Variants in PSG6 observed in about 807,000 individuals in gnomAD.
The protein encoded by PSG6 is pregnancy-specific beta-1-glycoprotein 6.
A neutral mutation model predicts 43.3 loss-of-function variants in PSG6; 51 were observed. The ratio of observed to expected loss-of-function variants is 1.18; its 90% CI spans 0.94 to 1.49. The LOEUF (loss-of-function observed/expected upper bound fraction) is 1.49. Among genes scored for constraint, PSG6 ranks in the 40% most tolerant of loss-of-function variants. The probability of loss-of-function intolerance (pLI) is 0.00; values close to 1 mark genes in which losing one functional copy is unlikely to be tolerated. For missense variants in PSG6, 770 were observed against 522.2 expected, an observed-to-expected ratio of 1.47 and a Z score of -4.62; for synonymous variants, 292 against 197.6, an observed-to-expected ratio of 1.48 and a Z score of -4.01.
intron 2 of PSG6, among the ~76,000 whole-genome samples, chr19:42,911,607 C>T (rs1972228234): frequency 6.6e-6 from 1 of 151,666 alleles, no homozygotes; most frequent in Admixed American, 6.6e-5. Context: ...GCTCCCTTCC[C>T]CCTGTAGAGG....
chr19:42,908,433 CCAGGTGGGGCAGTTTTTTTG>C (rs1215117043), intron 3 of PSG6, among the ~76,000 whole-genome samples: 1 of 151,202 alleles, frequency 6.6e-6, no homozygotes, highest in Non-Finnish European at 1.5e-5. Flanking sequence ...ACTAGAGGCA[CCAGGTGGGGCAGTTTTTTTG>C]CAGGTGTTTC....
At chr19:42,905,667 T>G (rs1055766120) in intron 5 of PSG6, among the ~76,000 whole-genome samples, 3 of 151,610 alleles carry the variant, frequency 2.0e-5, no homozygotes, top group Non-Finnish European at 2.9e-5. Context: ...TGGAAACAAC[T>G]GAAAAGTCCA....
At chr19:42,903,999 A>G (rs1197454531) in intron 5 of PSG6, among the ~76,000 whole-genome samples, 1 of 151,806 alleles carries the variant, frequency 6.6e-6, no homozygotes, top group African/African-American at 2.4e-5. Context: ...ATGCCAATAA[A>G]TTGGATAACC....
intron 3 of PSG6, among the ~76,000 whole-genome samples, chr19:42,909,036 G>A (rs780406520): frequency 4.0e-5 from 6 of 151,570 alleles, no homozygotes; most frequent in Admixed American, 6.6e-5. Context: ...AGGACAAAAA[G>A]TGTTTTGGAT....
In PSG6 at chr19:42,917,471, A is replaced by C. The variant is rs145829007; in HGVS notation, c.64+258T>G. Among the ~76,000 whole-genome samples the C allele has an allele frequency of 2.5e-3, 357 of 140,900 alleles. 3 individuals carry two copies. Among genetic ancestry groups the C allele is most frequent in the Admixed American group, 3.7e-3 (49 of 13,128 alleles). The allele number at this position is 140,900 out of a possible 152,430, so 92.4% of individuals were successfully genotyped here. A position where few individuals can be genotyped will look rare whatever the true frequency, so the allele number is the denominator to read the frequency against. On this transcript the variant is annotated intron_variant, in intron 1 of 5. Coordinates refer to ENST00000187910, the MANE Select transcript of PSG6 (RefSeq NM_001031850.4). ...TTCTGCCTCCTGGGTTCATGTGATT[A>C]TCCTGCCTCAGCCTCCCGAAAGCTG... is the stretch of plus-strand genomic sequence containing the variant.
intron 1 of PSG6, 124 bp downstream of exon 1, chr19:42,917,605 C>G: frequency 7.0e-7 from 1 of 1,425,130 alleles, no homozygotes; most frequent in Non-Finnish European, 9.6e-7. Flanking sequence ...TCTCGTGATC[C>G]ACCCACCTCA....
rs10413609 is a variant in PSG6, at chr19:42,914,677, C to A, written c.427+1448G>T. On this transcript the variant is annotated intron_variant, in intron 2 of 5. Coordinates refer to ENST00000187910, the MANE Select transcript of PSG6 (RefSeq NM_001031850.4). The stretch of plus-strand genomic sequence containing the variant: ...AAGGGACAGGTGTGGCTAGAACCTC[C>A]TAGGATTCTGATTCCAAGATCCAGT... 4.1e-4 allele frequency among the ~76,000 whole-genome samples: 62 copies of A among 151,060 alleles called. 5 individuals are homozygous for A. The highest frequency in any genetic ancestry group is 3.5e-3 in the East Asian group (18 of 5,128).
intron 2 of PSG6, chr19:42,915,504 G>C (rs1431476268): frequency 6.5e-6 from 1 of 154,548 alleles, no homozygotes; most frequent in Non-Finnish European, 1.4e-5. Context: ...GGCCTACAAA[G>C]CTTGTCTTTC....
At chr19:42,916,548 G>A (rs1972338839) in intron 1 of PSG6, 61 bp from the exon 2 acceptor site, 1 of 1,557,818 alleles carries the variant, frequency 6.4e-7, no homozygotes, top group African/African-American at 1.4e-5. Flanking sequence ...GAAAAGATGG[G>A]GCCCTGTGTC....
rs192496695 is a variant in PSG6 at position 42,907,348 on chromosome 19, T to C, written c.986-172A>G. 8.3e-3 allele frequency among the ~76,000 whole-genome samples: 1,267 copies of C among 152,002 alleles called. 36 individuals carry two copies. The highest frequency in any genetic ancestry group is 0.029 in the African/African-American group (1,215 of 41,480). On this transcript the variant is annotated intron_variant, in intron 4 of 5. Transcript: ENST00000187910. ...TGAGGTATTCCCCTGTTTCTCTCAT[T>C]ACAAGCTGTGGGCCCCTAGTGTCCC...
Position 42,902,234 on chromosome 19 carries a change from T to A in PSG6, c.*178A>T. ...TTTACCAATTGCTGAAGAAAAAAAG[T>A]TCATAAATCTGGAGAATAAAACATT... On this transcript the variant is annotated 3_prime_UTR_variant, in exon 6 of 6. Coordinates refer to ENST00000187910, the MANE Select transcript of PSG6 (RefSeq NM_001031850.4). 2.4e-6 allele frequency: 2 copies of A among 830,722 alleles called. No individual in the cohort carries two copies. The highest frequency in any genetic ancestry group is 3.6e-6 in the Non-Finnish European group (2 of 558,096). 51.5% of individuals were successfully genotyped at this position (830,722 alleles called of 1,614,324 possible). A position where few individuals can be genotyped will look rare whatever the true frequency, so the allele number is the denominator to read the frequency against.
At position 42,905,129 on chromosome 19, in the gene PSG6, C is replaced by A. The variant is rs188113409; in HGVS notation, c.1240+1793G>T. Among the ~76,000 whole-genome samples, 97 of 151,588 alleles carry A rather than the reference C, an allele frequency of 6.4e-4. 3 individuals are homozygous for A. The East Asian group carries it at 0.016, about 25-fold the overall frequency. Reference sequence around the variant, plus strand: ...CTAACACCATGTACAAAAATTAACCCACAATAGATCAAAGATCTAAATGTA... The same window carrying A: ...CTAACACCATGTACAAAAATTAACCAACAATAGATCAAAGATCTAAATGTA... On this transcript the variant is annotated intron_variant, in intron 5 of 5. Coordinates refer to ENST00000187910, the MANE Select transcript of PSG6 (RefSeq NM_001031850.4).
rs1170687836 is a variant in PSG6 at position 42,916,341 on chromosome 19, G to C, written c.211C>G (p.Gln71Glu). ...ATGTAATGGTAGAGGTCCGTCATTT[G>C]CCCTTTGTACCAGATGTAGCCAGTA... ...NLTGYIWYKG[Q>E]MTDLYHYITS... Residue 71 changes from glutamine to glutamate, a missense_variant, in exon 2 of 6, where the codon CAA becomes GAA. Transcript: ENST00000187910. 4.3e-6 allele frequency: 7 copies of C among 1,612,104 alleles called. 1 individual carries two copies. Among genetic ancestry groups the C allele is most frequent in the Middle Eastern group, 1.7e-4 (1 of 6,058 alleles).
At chr19:42,917,075 G>GT (rs35271138) in intron 1 of PSG6, among the ~76,000 whole-genome samples, 48,967 of 150,622 alleles carry the variant, frequency 0.33, 9,282 homozygotes, top group African/African-American at 0.46. Flanking sequence ...TGCCCTGGGT[G>GT]TTTTTTTTCC....
intron 1 of PSG6, 152 bp from the exon 2 acceptor site, chr19:42,916,639 T>A: frequency 8.0e-7 from 1 of 1,251,186 alleles, no homozygotes; most frequent in Non-Finnish European, 1.1e-6. Flanking sequence ...AGGGCATGTG[T>A]GTTTGTGTGT....
chr19:42,907,928 C>A, intron 3 of PSG6, 74 bp from the exon 4 acceptor site: 1 of 1,569,602 alleles, frequency 6.4e-7, no homozygotes, highest in Non-Finnish European at 8.7e-7. Context: ...TCAGAGTTGG[C>A]ATCTCCCACC....
rs9196 is a variant in PSG6 at position 42,910,716 on chromosome 19, G to A, written c.570C>T (p.His190=). The change falls in exon 3 of 6, where the codon CAC becomes CAT. Residue 190 remains histidine (H), a synonymous_variant. Coordinates refer to ENST00000187910, the MANE Select transcript of PSG6 (RefSeq NM_001031850.4). ...TGTTGGTTTTGGACAGCTGCAACCTGTGAGTCATAGGGAGGTTCTGACCAT... is the reference window on the plus strand; with the variant it reads ...TGTTGGTTTTGGACAGCTGCAACCTATGAGTCATAGGGAGGTTCTGACCAT... ...LLNGQNLPMT[H]RLQLSKTNRT... The A allele has an allele frequency of 1.3e-4, 208 of 1,612,234 alleles. 8 individuals carry two copies. Among genetic ancestry groups the A allele is most frequent in the Non-Finnish European group, 1.7e-4 (201 of 1,179,248 alleles).
chr19:42,910,931 G>A (rs1424928464), intron 2 of PSG6, 73 bp from the exon 3 acceptor site: 8 of 1,535,028 alleles, frequency 5.2e-6, no homozygotes, highest in East Asian at 2.3e-5. Flanking sequence ...TTCAATCAGA[G>A]TTGGCATTTC....
chr19:42,908,560 T>C (rs1972161652), intron 3 of PSG6, among the ~76,000 whole-genome samples: 1 of 151,716 alleles, frequency 6.6e-6, no homozygotes, highest in Admixed American at 6.6e-5. Context: ...CTGGTGGCTT[T>C]GGAGCAGAAG....
Sources: gnomAD v4.1 joint callset for allele counts (sites outside exome capture counted in the v4.1 genomes callset) on GRCh38, gnomAD v4.1.1 for gene constraint, MANE v1.5 for transcripts, NCBI Gene and HGNC (gene_info 2026-07-23, HGNC 2026-07-21) for gene names.